VWDE: variants seen among roughly 807,000 people sequenced by gnomAD.
VWDE encodes the protein von Willebrand factor D and EGF domains, also known as von Willebrand factor D and EGF domain-containing protein.
Under a neutral mutation model 178.4 loss-of-function variants are expected in VWDE, and 207 were observed. The observed-to-expected ratio is 1.16, with a 90% confidence interval of 1.04 to 1.30. The LOEUF is 1.30. Ranked by LOEUF, VWDE falls within the 50% of genes most tolerant of loss-of-function variation. The pLI, the probability that VWDE is intolerant of heterozygous loss-of-function variation, is 0.00. For missense variants in VWDE, 2,287 were observed against 1,901.3 expected, an observed-to-expected ratio of 1.20 and a Z score of -3.77; for synonymous variants, 738 against 651.4, an observed-to-expected ratio of 1.13 and a Z score of -2.02.
intron 12 of VWDE, among the ~76,000 whole-genome samples, chr7:12,368,669 C>T (rs539954922): frequency 2.6e-5 from 4 of 152,166 alleles, no homozygotes; most frequent in East Asian, 1.9e-4. Flanking sequence ...GAGAGCCATT[C>T]GAGCTATATA....
chr7:12,399,222 A>T (rs1477794853), intron 1 of VWDE, among the ~76,000 whole-genome samples: 1 of 152,268 alleles, frequency 6.6e-6, no homozygotes, highest in Non-Finnish European at 1.5e-5. Context: ...ATTGAAAGTA[A>T]AAGGGCAGAA....
Position 12,340,370 on chromosome 7 carries a change from T to G in VWDE, c.4318A>C (p.Asn1440His), listed in dbSNP as rs944332396. ...CLNGGSCNKP[N>H]TCLCPNGFFG... is the part of the protein sequence containing the mutation. Reference sequence around the variant, plus strand: ...AATCCATTTGGACAGAGGCAAGTATTTGGCTTATTACACGAACCACCATTG... The same window carrying G: ...AATCCATTTGGACAGAGGCAAGTATGTGGCTTATTACACGAACCACCATTG... The change falls in exon 24 of 29, where the codon AAT becomes CAT. Residue 1440 changes from asparagine to histidine, a missense_variant. By Grantham distance (68) the Asn-to-His change is moderately conservative. Transcript: ENST00000275358. 1.9e-6 allele frequency: 3 copies of G among 1,551,522 alleles called. No homozygotes were observed. Among genetic ancestry groups the G allele is most frequent in the Non-Finnish European group, 1.7e-6 (2 of 1,146,872 alleles).
intron 13 of VWDE, among the ~76,000 whole-genome samples, chr7:12,366,057 T>C (rs1782841470): frequency 1.3e-5 from 2 of 152,078 alleles, no homozygotes; most frequent in Admixed American, 1.3e-4. Context: ...AGCGTCCCTC[T>C]TAACTCCCTC....
At chr7:12,373,728 T>C (rs1336449831) in intron 9 of VWDE, among the ~76,000 whole-genome samples, 3 of 152,148 alleles carry the variant, frequency 2.0e-5, no homozygotes, top group African/African-American at 7.2e-5. Flanking sequence ...TAGAGAGTGT[T>C]TGTTTTGTTC....
chr7:12,365,951 T>C (rs894034824), intron 13 of VWDE, among the ~76,000 whole-genome samples: 1 of 152,148 alleles, frequency 6.6e-6, no homozygotes, highest in African/African-American at 2.4e-5. Context: ...GGGAGGGACA[T>C]AGTGGGAGTT....
chr7:12,331,564 C>G (rs1242664375), intron 28 of VWDE, among the ~76,000 whole-genome samples: 1 of 152,146 alleles, frequency 6.6e-6, no homozygotes, highest in African/African-American at 2.4e-5. Context: ...TTTTCTTTCT[C>G]CACCTCTTTC....
intron 13 of VWDE, among the ~76,000 whole-genome samples, chr7:12,364,736 A>G (rs1782768006): frequency 6.6e-6 from 1 of 152,170 alleles, no homozygotes; most frequent in Admixed American, 6.6e-5. Context: ...GCTACAAGCA[A>G]AAATTATAGT....
At chr7:12,383,665 C>T (rs1783964049) in intron 3 of VWDE, 64 bp from the exon 4 acceptor site, 2 of 1,292,624 alleles carry the variant, frequency 1.5e-6, no homozygotes, top group African/African-American at 3.0e-5. Context: ...CTACATATAT[C>T]CAAGATGACA....
intron 3 of VWDE, among the ~76,000 whole-genome samples, chr7:12,388,166 G>A (rs1230245126): frequency 1.3e-5 from 2 of 151,930 alleles, no homozygotes; most frequent in South Asian, 4.2e-4. Context: ...GTACTATTCA[G>A]GTATTTTGTT....
At chr7:12,361,589 TATAATGAAAACATAA>T in intron 13 of VWDE, 68 bp from the exon 14 acceptor site, 1 of 1,381,950 alleles carries the variant, frequency 7.2e-7, no homozygotes, top group South Asian at 1.6e-5. Flanking sequence ...GTAAATTACA[TATAATGAAAACATAA>T]ATTTTAAAAT....
intron 19 of VWDE, among the ~76,000 whole-genome samples, chr7:12,351,171 T>C (rs62451488): frequency 0.052 from 7,909 of 152,218 alleles, 279 homozygotes; most frequent in Non-Finnish European, 0.078. Context: ...CACAGAATGA[T>C]TAAACCAAAT....
At chr7:12,363,478 G>T (rs779198718) in intron 13 of VWDE, among the ~76,000 whole-genome samples, 1 of 151,960 alleles carries the variant, frequency 6.6e-6, no homozygotes, top group Non-Finnish European at 1.5e-5. Context: ...CTGCTTTGGG[G>T]GAGGAAGTGA....
intron 16 of VWDE, among the ~76,000 whole-genome samples, chr7:12,357,998 A>G (rs1358932179): frequency 6.6e-6 from 1 of 151,966 alleles, no homozygotes; most frequent in Non-Finnish European, 1.5e-5. Context: ...TTGCCTCCCC[A>G]GCTATAATAC....
chr7:12,342,756 T>A (rs1337766535), intron 22 of VWDE, among the ~76,000 whole-genome samples: 2 of 151,970 alleles, frequency 1.3e-5, no homozygotes, highest in Non-Finnish European at 2.9e-5. Context: ...TATGTATACA[T>A]GTGCCATGCT....
chr7:12,345,063 G>C (rs987241362), intron 19 of VWDE, among the ~76,000 whole-genome samples: 1 of 151,968 alleles, frequency 6.6e-6, no homozygotes, highest in Non-Finnish European at 1.5e-5. Context: ...AATTTGTGGG[G>C]TTCATGTGGA....
Position 12,344,381 on chromosome 7 carries a change from G to C in VWDE, c.3975C>G (p.Cys1325Trp). 9 of 1,550,594 alleles carry C rather than the reference G, an allele frequency of 5.8e-6. No homozygotes were observed. Among genetic ancestry groups the C allele is most frequent in the Non-Finnish European group, 7.0e-6 (8 of 1,146,376 alleles). ...KCKPGYIGSN[C>W]QTALCDPDCK... ...ATGAATGATGTTACCTACCAGTTTG[G>C]CAGTTAGAACCAATGTAACCAGGTT... Residue 1325 changes from cysteine (C) to tryptophan (W), a missense_variant, in exon 20 of 29, where the codon TGC becomes TGG. Cys to Trp is a radical substitution (Grantham distance 215). Transcript: ENST00000275358.
At chr7:12,354,030 T>A (rs4719306) in intron 18 of VWDE, 138,002 of 158,754 alleles carry the variant, frequency 0.87, 60,192 homozygotes, top group Admixed American at 0.9. Context: ...CTTCCTTTTT[T>A]AAAACTTTTT....
In VWDE at chr7:12,370,151, T is replaced by G. The variant is rs1583316680; in HGVS notation, c.2155A>C (p.Lys719Gln). 2.6e-6 allele frequency: 4 copies of G among 1,551,570 alleles called. No individual in the cohort carries two copies. Among genetic ancestry groups the G allele is most frequent in the Non-Finnish European group, 2.6e-6 (3 of 1,146,908 alleles). ...GCCAAATATTGTAGTGAATCTTCTT[T>G]CTCATTTCCAGGATGTTTTTGTACA... Reference protein sequence around the residue: ...LNVQKHPGNEKEDSLQYLANK... With the variant: ...LNVQKHPGNEQEDSLQYLANK... Residue 719 changes from lysine (K) to glutamine (Q), a missense_variant, in exon 12 of 29, where the codon AAA (lysine) becomes CAA (glutamine). Physicochemically the swap from Lys to Gln is moderately conservative, Grantham distance 53. Coordinates refer to ENST00000275358, the MANE Select transcript of VWDE (RefSeq NM_001135924.3).
intron 2 of VWDE, among the ~76,000 whole-genome samples, chr7:12,389,696 GAAGTTATGTTA>G (rs1784288785): frequency 6.6e-6 from 1 of 152,050 alleles, no homozygotes; most frequent in Non-Finnish European, 1.5e-5. Flanking sequence ...AAGTCAATCT[GAAGTTATGTTA>G]ACACATAACA....
Sources: gnomAD v4.1 joint callset for allele counts (sites outside exome capture counted in the v4.1 genomes callset) on GRCh38, gnomAD v4.1.1 for gene constraint, MANE v1.5 for transcripts, NCBI Gene and HGNC (gene_info 2026-07-23, HGNC 2026-07-21) for gene names.